The following USP16 variants were observed in gnomAD, a reference collection of about 807,000 sequenced individuals.
USP16 encodes ubiquitin specific peptidase 16, also known as ubiquitin carboxyl-terminal hydrolase 16.
A neutral mutation model predicts 95.9 loss-of-function variants in USP16; 77 were observed. The observed-to-expected ratio is 0.80, with a 90% CI of 0.67 to 0.97. The LOEUF (loss-of-function observed/expected upper bound fraction) is 0.97. USP16 is among the 50% of genes least tolerant of loss of function. USP16 has a pLI of 0.00. For missense variants in USP16, 943 were observed against 959.9 expected (o/e 0.98, Z 0.23); for synonymous variants, 303 against 318.2 (o/e 0.95, Z 0.51).
Position 29,036,317 on chromosome 21 carries a change from T to C in USP16, c.391T>C (p.Leu131=), listed in dbSNP as rs1287450219. 3.7e-6 allele frequency: 6 copies of C among 1,613,840 alleles called. No homozygotes were observed. In the Admixed American group the frequency reaches 6.7e-5, roughly 18 times the overall value. Reference sequence around the variant, plus strand: ...GGTCCAGTATTGTAGTTCAAACCAGTTGGGTCAAGTGGTTGATTATGTCAG... The same window carrying C: ...GGTCCAGTATTGTAGTTCAAACCAGCTGGGTCAAGTGGTTGATTATGTCAG... The part of the protein sequence containing the change: ...NEVQYCSSNQ[L]GQVVDYVRKQ... The change falls in exon 5 of 18, where the codon TTG becomes CTG. Residue 131 remains leucine, a synonymous_variant. Coordinates refer to ENST00000399976, the MANE Select transcript of USP16 (RefSeq NM_006447.3).
chr21:29,036,923 T>C (rs1434398211), intron 5 of USP16, among the ~76,000 whole-genome samples: 3 of 152,256 alleles, frequency 2.0e-5, no homozygotes, highest in Non-Finnish European at 4.4e-5. Flanking sequence ...AAAAATTTAT[T>C]TCATGTCCAT....
At chr21:29,030,435 CAT>C (rs2085060819) in intron 2 of USP16, among the ~76,000 whole-genome samples, 158 bp from the exon 3 acceptor site, 1 of 152,206 alleles carries the variant, frequency 6.6e-6, no homozygotes, top group African/African-American at 2.4e-5. Context: ...ATATTTATCT[CAT>C]ATTATTCAAA....
chr21:29,035,811 C>T (rs1195124328), intron 4 of USP16, among the ~76,000 whole-genome samples: 3 of 151,796 alleles, frequency 2.0e-5, no homozygotes, highest in African/African-American at 4.8e-5. Flanking sequence ...CCCAGCTACT[C>T]GGGAGGCTGA....
intron 2 of USP16, among the ~76,000 whole-genome samples, chr21:29,030,114 A>T (rs1019460576): frequency 1.3e-5 from 2 of 152,084 alleles, no homozygotes; most frequent in Non-Finnish European, 2.9e-5. Context: ...ATTCTTATAC[A>T]TTAATTTATT....
chr21:29,027,544 T>A, intron 1 of USP16, among the ~76,000 whole-genome samples: 1 of 152,228 alleles, frequency 6.6e-6, no homozygotes, highest in South Asian at 2.1e-4. Flanking sequence ...CACATGTATG[T>A]AGTGAGGAGT....
chr21:29,029,061 C>T (rs1416353535), intron 2 of USP16, among the ~76,000 whole-genome samples: 1 of 152,208 alleles, frequency 6.6e-6, no homozygotes, highest in Non-Finnish European at 1.5e-5. Flanking sequence ...TTCCCTGAAC[C>T]TTCATCGGCA....
intron 16 of USP16, 33 bp downstream of exon 16, chr21:29,050,211 T>C: frequency 4.4e-6 from 7 of 1,597,832 alleles, no homozygotes; most frequent in Non-Finnish European, 6.0e-6. Context: ...AGGAAAGTCC[T>C]TTAAAGTCAA....
At chr21:29,034,533 G>A (rs570692278) in intron 3 of USP16, among the ~76,000 whole-genome samples, 469 of 152,024 alleles carry the variant, frequency 3.1e-3, no homozygotes, top group Non-Finnish European at 5.6e-3. Context: ...GGCTGGTCTC[G>A]AACTCCTGAC....
At chr21:29,048,048 C>CGTGTGTGTGTGTGT (rs67919060) in intron 14 of USP16, among the ~76,000 whole-genome samples, 52 of 123,794 alleles carry the variant, frequency 4.2e-4, no homozygotes, top group African/African-American at 1.1e-3. Flanking sequence ...AGAGACGATA[C>CGTGTGTGTGTGTGT]GTGTGTGTGT....
chr21:29,035,676 C>A (rs996218810), intron 4 of USP16, among the ~76,000 whole-genome samples: 1 of 152,044 alleles, frequency 6.6e-6, no homozygotes, highest in Non-Finnish European at 1.5e-5. Flanking sequence ...AGCCACCGTG[C>A]CTGGCTTGAA....
intron 1 of USP16, among the ~76,000 whole-genome samples, chr21:29,027,475 A>G (rs2085009536): frequency 6.6e-6 from 1 of 152,252 alleles, no homozygotes; most frequent in Admixed American, 6.5e-5. Context: ...TGCAGAGCTA[A>G]GAAAGGTAGC....
chr21:29,038,505 G>A (rs1419297278), intron 7 of USP16, 75 bp downstream of exon 7: 39 of 1,090,774 alleles, frequency 3.6e-5, no homozygotes, highest in Non-Finnish European at 5.4e-5. Flanking sequence ...TTAAATAACT[G>A]ACACTCATTT....
At chr21:29,053,501 T>G (rs1466005636) in intron 16 of USP16, 1 of 274,242 alleles carries the variant, frequency 3.6e-6, no homozygotes, top group Non-Finnish European at 6.9e-6. Context: ...TTAAGAATTA[T>G]CCTCAGGCTC....
At chr21:29,038,183 G>A in intron 6 of USP16, 152 bp from the exon 7 acceptor site, 1 of 568,466 alleles carries the variant, frequency 1.8e-6, no homozygotes, top group Non-Finnish European at 3.2e-6. Context: ...AATAGAGTAG[G>A]GAGAGAAGCA....
intron 14 of USP16, among the ~76,000 whole-genome samples, chr21:29,048,048 C>CGTGTGTGTGTGTGTGTGTGTGTGT (rs67919060): frequency 3.2e-5 from 4 of 123,796 alleles, no homozygotes; most frequent in African/African-American, 9.3e-5. Context: ...AGAGACGATA[C>CGTGTGTGTGTGTGTGTGTGTGTGT]GTGTGTGTGT....
chr21:29,047,338 A>C lies in USP16; in HGVS notation c.2011+17A>C, dbSNP rs1034127167. 14 of 1,583,122 alleles carry C rather than the reference A, an allele frequency of 8.8e-6. No individual in the cohort carries two copies. Among genetic ancestry groups the C allele is most frequent in the Middle Eastern group, 1.7e-4 (1 of 5,866 alleles). On this transcript the variant is annotated intron_variant, in intron 14 of 17. Coordinates refer to ENST00000399976, the MANE Select transcript of USP16 (RefSeq NM_006447.3). ...ATATAAAAGGTATTTTAATGCTCTC[A>C]CTGTAAGTAAAATTAATATTCAGGG...
intron 12 of USP16, chr21:29,042,775 A>G (rs1034053911): frequency 1.6e-5 from 6 of 365,978 alleles, no homozygotes; most frequent in African/African-American, 1.1e-4. Context: ...GTTTCCATAC[A>G]GTGAAGTATT....
At chr21:29,044,499 T>C (rs2276517) in intron 13 of USP16, among the ~76,000 whole-genome samples, 33,824 of 147,318 alleles carry the variant, frequency 0.23, 5,196 homozygotes, top group African/African-American at 0.44. Flanking sequence ...CAGGCTGGAG[T>C]GCAAATGGCG....
rs541292322 is a variant in USP16 at position 29,042,575 on chromosome 21, A to G, written c.1179+47A>G. On this transcript the variant is annotated intron_variant, in intron 12 of 17. Coordinates refer to ENST00000399976, the MANE Select transcript of USP16 (RefSeq NM_006447.3). The stretch of plus-strand genomic sequence containing the variant: ...TATTCAAGTAGATTTTTTTTCCTGT[A>G]AGATTTTGTGGGGGGAAGCCTTGTT... 29 of 1,530,738 alleles carry G rather than the reference A, an allele frequency of 1.9e-5. No individual in the cohort carries two copies. In the South Asian group the frequency reaches 3.0e-4, roughly 16 times the overall value. 94.8% of individuals were successfully genotyped at this position (1,530,738 alleles called of 1,614,324 possible).
Sources: gnomAD v4.1 joint callset for allele counts (sites outside exome capture counted in the v4.1 genomes callset) on GRCh38, gnomAD v4.1.1 for gene constraint, MANE v1.5 for transcripts, NCBI Gene and HGNC (gene_info 2026-07-23, HGNC 2026-07-21) for gene names.